Variants in NSD3 observed in about 807,000 individuals in gnomAD.
NSD3 encodes the protein nuclear receptor binding SET domain protein 3.
Under a neutral mutation model 160.8 loss-of-function variants are expected in NSD3, and 24 were observed. The ratio of observed to expected loss-of-function variants is 0.15; its 90% CI spans 0.11 to 0.21. The LOEUF (loss-of-function observed/expected upper bound fraction) is 0.21. Ranked by LOEUF, NSD3 falls within the 10% of genes least tolerant of loss-of-function variation. NSD3 has a pLI of 1.00. For synonymous variants in NSD3, 520 were observed against 600.0 expected (o/e 0.87, Z 1.95); for missense variants, 1,157 against 1,735.9 (o/e 0.67, Z 5.93).
rs1261041440 is a variant in NSD3, at chr8:38,269,873, A to C, written c.*5768T>G. On this transcript the variant is annotated 3_prime_UTR_variant, in exon 24 of 24. Transcript: ENST00000317025. ...CAACATCTCAGTAAATATAATGTAC[A>C]AAAATTATATGTTCCTACCAGCACA... The C allele has an allele frequency of 6.6e-6, 1 of 152,270 alleles. No individual in the cohort carries two copies. Among genetic ancestry groups the C allele is most frequent in the African/African-American group, 2.4e-5 (1 of 41,470 alleles). 9.4% of individuals were successfully genotyped at this position (152,270 alleles called of 1,614,324 possible).
At chr8:38,300,860 C>CT (rs1319874427) in intron 14 of NSD3, among the ~76,000 whole-genome samples, 3 of 152,160 alleles carry the variant, frequency 2.0e-5, no homozygotes, top group Non-Finnish European at 4.4e-5. Context: ...TTACCATTTA[C>CT]TTTTTTCTGT....
intron 6 of NSD3, among the ~76,000 whole-genome samples, chr8:38,328,925 A>C: frequency 6.6e-6 from 1 of 152,260 alleles, no homozygotes; most frequent in East Asian, 1.9e-4. Flanking sequence ...TCGCAAGCCC[A>C]TAAGAATCTA....
intron 1 of NSD3, among the ~76,000 whole-genome samples, chr8:38,353,245 A>G (rs1168825051): frequency 1.3e-5 from 2 of 152,214 alleles, no homozygotes; most frequent in Non-Finnish European, 2.9e-5. Flanking sequence ...ATTTACTGAC[A>G]ATGTTTAACA....
At chr8:38,371,416 C>T (rs1010262883) in intron 1 of NSD3, among the ~76,000 whole-genome samples, 1 of 152,142 alleles carries the variant, frequency 6.6e-6, no homozygotes, top group Non-Finnish European at 1.5e-5. Context: ...AGCATATTAA[C>T]TCTACTGCAT....
chr8:38,315,804 A>G, intron 10 of NSD3, 108 bp downstream of exon 10: 2 of 1,464,640 alleles, frequency 1.4e-6, no homozygotes, highest in South Asian at 1.4e-5. Context: ...AAACAAAGTG[A>G]TTTTTTTCTA....
At position 38,271,257 on chromosome 8, in the gene NSD3, A is replaced by T. The variant is rs1331739367; in HGVS notation, c.*4384T>A. 6.6e-6 allele frequency: 1 copy of T among 152,202 alleles called. No individual in the cohort carries two copies. The highest frequency in any genetic ancestry group is 1.5e-5 in the Non-Finnish European group (1 of 68,046). The allele number at this position is 152,202 out of a possible 1,614,324, so 9.4% of individuals were successfully genotyped here. On this transcript the variant is annotated 3_prime_UTR_variant, in exon 24 of 24. Coordinates refer to ENST00000317025, the MANE Select transcript of NSD3 (RefSeq NM_023034.2). ...ATTTATTTTCAAAACAGTTTACAAAACAATGCTTTCTACTTCATAAATGTA... is the reference window on the plus strand; with the variant it reads ...ATTTATTTTCAAAACAGTTTACAAATCAATGCTTTCTACTTCATAAATGTA...
At position 38,329,278 on chromosome 8, in the gene NSD3, A is replaced by G; in HGVS notation, c.1581+100T>C. ...TGTATGTTTCAAATTCAGTGGGTAG[A>G]AAGGGTATTTAAATTATGCCAAGGT... is the stretch of plus-strand genomic sequence containing the variant. On this transcript the variant is annotated intron_variant, in intron 6 of 23. Coordinates refer to ENST00000317025, the MANE Select transcript of NSD3 (RefSeq NM_023034.2). The surrounding 1 kb of genome is among the most constrained non-coding windows in gnomAD (Gnocchi z 4.8). 1 of 1,366,480 alleles carries G rather than the reference A, an allele frequency of 7.3e-7. No homozygotes were observed. The highest frequency in any genetic ancestry group is 1.5e-5 in the South Asian group (1 of 68,128). 84.6% of individuals were successfully genotyped at this position (1,366,480 alleles called of 1,614,324 possible). A position where few individuals can be genotyped will look rare whatever the true frequency, so the allele number is the denominator to read the frequency against.
intron 4 of NSD3, among the ~76,000 whole-genome samples, 182 bp downstream of exon 4, chr8:38,337,123 C>G (rs922035521): frequency 8.0e-5 from 10 of 125,302 alleles, no homozygotes; most frequent in Non-Finnish European, 1.2e-4. Flanking sequence ...GCCTGGGCAA[C>G]AGAGCAAAAA....
intron 12 of NSD3, among the ~76,000 whole-genome samples, chr8:38,305,924 C>CA (rs1809381951): frequency 6.6e-6 from 1 of 151,964 alleles, no homozygotes; most frequent in Non-Finnish European, 1.5e-5. Context: ...AGAAAATATT[C>CA]AAATTATCCA....
In NSD3 at chr8:38,326,740, A is replaced by T; in HGVS notation, c.1698T>A (p.Ser566=). 1 of 1,613,450 alleles carries T rather than the reference A, an allele frequency of 6.2e-7. No individual in the cohort carries two copies. Among genetic ancestry groups the T allele is most frequent in the Admixed American group, 1.7e-5 (1 of 59,952 alleles). Residue 566 remains serine, a synonymous_variant, in exon 7 of 24, where the codon TCT becomes TCA. Coordinates refer to ENST00000317025, the MANE Select transcript of NSD3 (RefSeq NM_023034.2). ...TTCATTCATACCAACCTGTAGAACC[A>T]GATGTTGCTTCAGGAGATGATACAC... ...TQSVSSPEAT[S]GSTGSVEKKQ...
rs1458976982 is a variant in NSD3 at position 38,274,248 on chromosome 8, TATAC to T, written c.*1389_*1392del. 6.6e-6 allele frequency: 1 copy of T among 152,258 alleles called. No individual in the cohort carries two copies. Among genetic ancestry groups the T allele is most frequent in the Non-Finnish European group, 1.5e-5 (1 of 68,038 alleles). 9.4% of individuals were successfully genotyped at this position (152,258 alleles called of 1,614,324 possible). A position where few individuals can be genotyped will look rare whatever the true frequency, so the allele number is the denominator to read the frequency against. ...TATTTTCATACAAGGAATACTGGAA[TATAC>T]ATATTCCTAAGCATTAAAAGCAAGT... On this transcript the variant is annotated 3_prime_UTR_variant, in exon 24 of 24. Coordinates refer to ENST00000317025, the MANE Select transcript of NSD3 (RefSeq NM_023034.2).
chr8:38,324,905 G>A (rs1013666611), intron 7 of NSD3, among the ~76,000 whole-genome samples: 6 of 152,258 alleles, frequency 3.9e-5, no homozygotes, highest in Admixed American at 6.5e-5. Context: ...GGTGCCTGTA[G>A]GGTGGCATGG....
At chr8:38,292,591 G>GCCAAA (rs950428957) in intron 16 of NSD3, among the ~76,000 whole-genome samples, 7 of 151,788 alleles carry the variant, frequency 4.6e-5, no homozygotes, top group African/African-American at 1.5e-4. Context: ...GACCATCCTG[G>GCCAAA]CCAACATGGT....
chr8:38,293,844 A>C (rs1369473229), intron 16 of NSD3, among the ~76,000 whole-genome samples: 2 of 143,146 alleles, frequency 1.4e-5, no homozygotes, highest in Non-Finnish European at 3.0e-5. Flanking sequence ...AATCGCTTGA[A>C]CCTGGGAGGT....
At chr8:38,297,895 T>C (rs1051221529) in intron 15 of NSD3, among the ~76,000 whole-genome samples, 4 of 152,184 alleles carry the variant, frequency 2.6e-5, no homozygotes, top group African/African-American at 9.6e-5. Flanking sequence ...CATGTGATTA[T>C]TAGTACTGAC....
At chr8:38,338,749 T>G in intron 2 of NSD3, 142 bp from the exon 3 acceptor site, 1 of 671,476 alleles carries the variant, frequency 1.5e-6, no homozygotes, top group Non-Finnish European at 2.6e-6. Flanking sequence ...ATGTAAGGAG[T>G]AAGAATACAA....
intron 4 of NSD3, among the ~76,000 whole-genome samples, chr8:38,336,550 A>G (rs994722623): frequency 1.3e-5 from 2 of 152,196 alleles, no homozygotes; most frequent in African/African-American, 4.8e-5. Context: ...TGCCAGGATG[A>G]AAAGTACTTG....
At chr8:38,302,343 T>G (rs1240006253) in intron 14 of NSD3, among the ~76,000 whole-genome samples, 2 of 152,236 alleles carry the variant, frequency 1.3e-5, no homozygotes, top group Non-Finnish European at 2.9e-5. Flanking sequence ...ATTATTTACT[T>G]CTGAAAGACT....
chr8:38,331,383 A>G lies in NSD3; in HGVS notation c.1065+48T>C, dbSNP rs748738883. The G allele has an allele frequency of 3.4e-6, 5 of 1,459,258 alleles. No homozygotes were observed. The East Asian group carries it at 1.0e-4, about 29-fold the overall frequency. The allele number at this position is 1,459,258 out of a possible 1,614,324, so 90.4% of individuals were successfully genotyped here. Reference sequence around the variant, plus strand: ...TATGAAAAATTCTTCTAAATTATTAAGTTCTTTAAAAACCATACTAGGTAA... The same window carrying G: ...TATGAAAAATTCTTCTAAATTATTAGGTTCTTTAAAAACCATACTAGGTAA... On this transcript the variant is annotated intron_variant, in intron 5 of 23. Coordinates refer to ENST00000317025, the MANE Select transcript of NSD3 (RefSeq NM_023034.2).
Sources: gnomAD v4.1 joint callset for allele counts (sites outside exome capture counted in the v4.1 genomes callset) on GRCh38, gnomAD v4.1.1 for gene constraint, Gnocchi (gnomAD v3.1) non-coding constraint, MANE v1.5 for transcripts, NCBI Gene and HGNC (gene_info 2026-07-23, HGNC 2026-07-21) for gene names.